The following SWAP70 variants were observed in gnomAD, a reference collection of about 807,000 sequenced individuals.
SWAP70 encodes switch-associated protein 70.
Under a neutral mutation model 80.2 loss-of-function variants are expected in SWAP70, and 34 were observed. That is an observed-to-expected ratio of 0.42 (90% confidence interval 0.32 to 0.56). The LOEUF (loss-of-function observed/expected upper bound fraction) is 0.56. SWAP70 is among the 20% of genes least tolerant of loss of function. The probability of loss-of-function intolerance (pLI) is 0.09; values close to 1 mark genes in which losing one functional copy is unlikely to be tolerated. For synonymous variants in SWAP70, 239 were observed against 238.5 expected (o/e 1.00, Z -0.02); for missense variants, 578 against 690.7 (o/e 0.84, Z 1.83).
At chr11:9,716,238 A>G (rs1371493453) in intron 3 of SWAP70, among the ~76,000 whole-genome samples, 3 of 152,242 alleles carry the variant, frequency 2.0e-5, no homozygotes, top group Admixed American at 1.3e-4. Flanking sequence ...ATATGGAGAC[A>G]TGGGAGGTGA....
chr11:9,670,810 G>C (rs982997790), intron 1 of SWAP70, among the ~76,000 whole-genome samples: 7 of 151,882 alleles, frequency 4.6e-5, no homozygotes, highest in Middle Eastern at 3.4e-3. Flanking sequence ...CTGGAGCACA[G>C]TGGGGCCATC....
At chr11:9,743,111 C>T (rs1263262622) in intron 9 of SWAP70, among the ~76,000 whole-genome samples, 3 of 141,544 alleles carry the variant, frequency 2.1e-5, no homozygotes, top group African/African-American at 5.2e-5. Context: ...CAAGTGTTCT[C>T]ATTGTTCAGT....
At chr11:9,703,494 C>G (rs1337044273) in intron 2 of SWAP70, 20 of 456,236 alleles carry the variant, frequency 4.4e-5, no homozygotes, top group South Asian at 1.9e-4. Flanking sequence ...TTTGTTGATC[C>G]TTTAGCTCTG....
intron 2 of SWAP70, among the ~76,000 whole-genome samples, chr11:9,696,988 G>A (rs1850766430): frequency 6.6e-6 from 1 of 152,050 alleles, no homozygotes; most frequent in African/African-American, 2.4e-5. Context: ...GAGGTGAGAG[G>A]ATTGTTTGAG....
intron 9 of SWAP70, among the ~76,000 whole-genome samples, chr11:9,742,359 A>G (rs921061423): frequency 2.7e-5 from 4 of 150,764 alleles, no homozygotes; most frequent in Non-Finnish European, 5.9e-5. Context: ...TTTTTCTGAG[A>G]TGGAGTCTTG....
chr11:9,718,480 A>G (rs996872436), intron 3 of SWAP70, among the ~76,000 whole-genome samples: 5 of 152,240 alleles, frequency 3.3e-5, no homozygotes, highest in Non-Finnish European at 5.9e-5. Context: ...ACTCAAGGTT[A>G]TGCTATATTA....
intron 3 of SWAP70, among the ~76,000 whole-genome samples, chr11:9,724,109 C>T (rs1381130963): frequency 1.3e-5 from 2 of 152,216 alleles, no homozygotes; most frequent in Non-Finnish European, 2.9e-5. Context: ...ATTTTCTACA[C>T]AAAGTATGAT....
intron 6 of SWAP70, among the ~76,000 whole-genome samples, chr11:9,729,772 G>A (rs936494332): frequency 2.0e-5 from 3 of 152,084 alleles, no homozygotes; most frequent in Non-Finnish European, 2.9e-5. Context: ...GATTACAGGC[G>A]TGAGCCACTA....
chr11:9,732,432 C>G (rs1189950096), intron 6 of SWAP70, 97 bp from the exon 7 acceptor site: 17 of 1,236,780 alleles, frequency 1.4e-5, no homozygotes, highest in Admixed American at 2.3e-5. Flanking sequence ...TTCTGGCTCC[C>G]TGTCTCATTT....
intron 2 of SWAP70, among the ~76,000 whole-genome samples, chr11:9,701,608 C>T (rs551902141): frequency 2.6e-4 from 35 of 132,788 alleles, no homozygotes; most frequent in African/African-American, 8.8e-4. Flanking sequence ...CAAAGTAAGA[C>T]CTTGTCTGTT....
intron 9 of SWAP70, among the ~76,000 whole-genome samples, chr11:9,746,959 C>T (rs887351261): frequency 1.3e-5 from 2 of 152,190 alleles, no homozygotes; most frequent in African/African-American, 4.8e-5. Context: ...CAGATGCTGG[C>T]AGGTAGTAGT....
At chr11:9,745,944 G>A (rs987291178) in intron 9 of SWAP70, among the ~76,000 whole-genome samples, 1 of 152,194 alleles carries the variant, frequency 6.6e-6, no homozygotes, top group Non-Finnish European at 1.5e-5. Context: ...GGAATCACAG[G>A]GGGATGAGCA....
intron 1 of SWAP70, among the ~76,000 whole-genome samples, chr11:9,679,337 G>A (rs1191631575): frequency 6.6e-6 from 1 of 152,180 alleles, no homozygotes; most frequent in Non-Finnish European, 1.5e-5. Flanking sequence ...GTGTTGGAAG[G>A]TATTACATTC....
intron 1 of SWAP70, among the ~76,000 whole-genome samples, chr11:9,667,860 C>G (rs1363930562): frequency 6.6e-6 from 1 of 152,156 alleles, no homozygotes; most frequent in East Asian, 1.9e-4. Flanking sequence ...TGCACCCATC[C>G]TATTTTCACA....
At chr11:9,729,297 T>G in intron 5 of SWAP70, 46 bp from the exon 6 acceptor site, 2 of 1,163,540 alleles carry the variant, frequency 1.7e-6, no homozygotes, top group Non-Finnish European at 2.5e-6. Context: ...TGAATTTCAT[T>G]TAAATACTTA....
In SWAP70 at chr11:9,675,564, TTTATATATA is replaced by T. The variant is rs1207466143; in HGVS notation, c.99+11298_99+11306del. On this transcript the variant is annotated intron_variant, in intron 1 of 11. Transcript: ENST00000318950. ...TCTTGTTAAAACAACTGTTTTATAT[TTTATATATA>T]TTATATATATTTATAGCCATAAATA... Among the ~76,000 whole-genome samples the T allele has an allele frequency of 2.0e-5, 3 of 151,884 alleles. No homozygotes were observed. The East Asian group carries it at 5.8e-4, about 29-fold the overall frequency.
intron 1 of SWAP70, among the ~76,000 whole-genome samples, chr11:9,689,299 A>G (rs1850667847): frequency 6.6e-6 from 1 of 152,240 alleles, no homozygotes; most frequent in Non-Finnish European, 1.5e-5. Context: ...CAAAAGGGGT[A>G]AATGGCAAGC....
At chr11:9,725,561 ATATATATAT>A (rs1371581937) in intron 4 of SWAP70, among the ~76,000 whole-genome samples, 187 of 16,102 alleles carry the variant, frequency 0.012, 2 homozygotes, top group African/African-American at 0.042. Flanking sequence ...ATATATATAT[ATATATATAT>A]TTTTTTTTTT....
intron 6 of SWAP70, among the ~76,000 whole-genome samples, chr11:9,731,298 GGTTTAAGAGTTC>G: frequency 6.6e-6 from 1 of 152,260 alleles, no homozygotes; most frequent in Middle Eastern, 3.4e-3. Flanking sequence ...TTTTTGATGT[GGTTTAAGAGTTC>G]GAGGCAAATG....
Sources: gnomAD v4.1 joint callset for allele counts (sites outside exome capture counted in the v4.1 genomes callset) on GRCh38, gnomAD v4.1.1 for gene constraint, MANE v1.5 for transcripts, NCBI Gene and HGNC (gene_info 2026-07-23, HGNC 2026-07-21) for gene names.